DENND1A: variants seen among roughly 807,000 people sequenced by gnomAD.
DENND1A encodes DENN domain-containing protein 1A.
Under a neutral mutation model 113.7 loss-of-function variants are expected in DENND1A, and 51 were observed. The ratio of observed to expected loss-of-function variants is 0.45; its 90% CI spans 0.36 to 0.57. The LOEUF (loss-of-function observed/expected upper bound fraction) is 0.57, where lower values mean the gene tolerates loss of function less well. Ranked by LOEUF, DENND1A falls within the 20% of genes least tolerant of loss-of-function variation. DENND1A has a pLI of 0.00. For synonymous variants in DENND1A, 565 were observed against 570.8 expected (o/e 0.99, Z 0.14); for missense variants, 1,258 against 1,395.9 (o/e 0.90, Z 1.57).
Position 123,916,739 on chromosome 9 carries a change from A to G in DENND1A, c.17+13150T>C, listed in dbSNP as rs1377375003. On this transcript the variant is annotated intron_variant, in intron 1 of 23. Coordinates refer to ENST00000394215, the MANE Select transcript of DENND1A (RefSeq NM_001352964.2). ...TCAAACTCGGTACCTATGTCAGGGAAGGAACACGGTGGTAGGCAGGGATAG... is the reference window on the plus strand; with the variant it reads ...TCAAACTCGGTACCTATGTCAGGGAGGGAACACGGTGGTAGGCAGGGATAG... 2.0e-5 allele frequency among the ~76,000 whole-genome samples: 3 copies of G among 152,204 alleles called. 1 individual carries two copies. The highest frequency in any genetic ancestry group is 7.2e-5 in the African/African-American group (3 of 41,452).
chr9:123,397,265 C>T (rs2043182728), intron 21 of DENND1A, among the ~76,000 whole-genome samples: 1 of 152,122 alleles, frequency 6.6e-6, no homozygotes, highest in Non-Finnish European at 1.5e-5. Flanking sequence ...AATGATTCTC[C>T]TGCCTCAGGC....
intron 5 of DENND1A, among the ~76,000 whole-genome samples, chr9:123,689,371 A>C (rs963552841): frequency 2.6e-5 from 4 of 152,206 alleles, no homozygotes; most frequent in Admixed American, 6.5e-5. Flanking sequence ...GAATGCAGGA[A>C]AGTTGCCTTT....
chr9:123,827,605 G>A (rs1270633957), intron 2 of DENND1A, among the ~76,000 whole-genome samples: 1 of 152,066 alleles, frequency 6.6e-6, no homozygotes, highest in Non-Finnish European at 1.5e-5. Flanking sequence ...GATTACTGAA[G>A]AGGCAACTAA....
intron 4 of DENND1A, among the ~76,000 whole-genome samples, chr9:123,758,219 C>T (rs139147103): frequency 1.3e-3 from 192 of 152,296 alleles, no homozygotes; most frequent in Middle Eastern, 0.01. Flanking sequence ...TTAACCCTCG[C>T]GCTGATTCCA....
intron 8 of DENND1A, among the ~76,000 whole-genome samples, chr9:123,655,734 C>A (rs572366236): frequency 3.3e-5 from 5 of 152,186 alleles, no homozygotes; most frequent in Non-Finnish European, 5.9e-5. Context: ...AGGACTTCCG[C>A]GGCAGGCTGT....
chr9:123,387,635 C>G, intron 22 of DENND1A, 95 bp downstream of exon 22: 3 of 1,179,778 alleles, frequency 2.5e-6, no homozygotes, highest in Non-Finnish European at 3.3e-6. Flanking sequence ...CTCCCCCCGA[C>G]ACAAAGGCAA....
rs548406133 is a variant in DENND1A, at chr9:123,584,981, C to T, written c.766-1711G>A. ...GTACACTAATACTGGTTGACATTCA[C>T]TCTCTTAAACCACAGCCTCTAGGGC... On this transcript the variant is annotated intron_variant, in intron 11 of 23. Coordinates refer to ENST00000394215, the MANE Select transcript of DENND1A (RefSeq NM_001352964.2). Among the ~76,000 whole-genome samples the T allele has an allele frequency of 6.6e-5, 10 of 152,298 alleles. No homozygotes were observed. In the South Asian group the frequency reaches 1.7e-3, roughly 25 times the overall value.
In DENND1A at chr9:123,641,496, C is replaced by T. The variant is rs114943177; in HGVS notation, c.618+10517G>A. 1.6e-3 allele frequency among the ~76,000 whole-genome samples: 247 copies of T among 151,294 alleles called. 1 individual carries two copies. The highest frequency in any genetic ancestry group is 5.4e-3 in the African/African-American group (224 of 41,256). ...TACACACATGCACCCCAAATTACAC[C>T]GGTGGACTGCACTGGTATTCCGTAA... On this transcript the variant is annotated intron_variant, in intron 9 of 23. Coordinates refer to ENST00000394215, the MANE Select transcript of DENND1A (RefSeq NM_001352964.2).
At chr9:123,617,950 G>A (rs1401049658) in intron 10 of DENND1A, among the ~76,000 whole-genome samples, 5 of 152,108 alleles carry the variant, frequency 3.3e-5, no homozygotes, top group South Asian at 4.1e-4. Flanking sequence ...AAAAAATAGC[G>A]CAACTGATAA....
intron 19 of DENND1A, among the ~76,000 whole-genome samples, chr9:123,425,639 C>T (rs534806994): frequency 2.6e-5 from 4 of 152,076 alleles, no homozygotes; most frequent in East Asian, 1.9e-4. Context: ...ATGGGCAGCT[C>T]GTCTGTGCCA....
rs1222776485 is a variant in DENND1A, at chr9:123,833,135, A to AG, written c.89-40506_89-40505insC. Among the ~76,000 whole-genome samples, 10 of 150,994 alleles carry AG rather than the reference A, an allele frequency of 6.6e-5. No homozygotes were observed. In the East Asian group the frequency reaches 1.9e-3, roughly 29 times the overall value. ...GAGACCTCATCTCAAAAAAAAAAAA[A>AG]AAAAAAAAAAAAAGGAAACGAAAGA... On this transcript the variant is annotated intron_variant, in intron 2 of 23. Transcript: ENST00000394215.
chr9:123,564,561 G>C (rs1234404349), intron 12 of DENND1A, among the ~76,000 whole-genome samples: 1 of 152,210 alleles, frequency 6.6e-6, no homozygotes, highest in African/African-American at 2.4e-5. Flanking sequence ...TTCCGGTGTG[G>C]AGTGCTCTCA....
chr9:123,900,620 T>C (rs1177405165), intron 1 of DENND1A, among the ~76,000 whole-genome samples: 1 of 152,208 alleles, frequency 6.6e-6, no homozygotes, highest in African/African-American at 2.4e-5. Context: ...GCGGTCAGAC[T>C]AGCATGGAAG....
chr9:123,647,284 G>A (rs925413401), intron 9 of DENND1A, among the ~76,000 whole-genome samples: 1 of 152,190 alleles, frequency 6.6e-6, no homozygotes, highest in African/African-American at 2.4e-5. Flanking sequence ...ACAGTGAAAA[G>A]GCTAAGCCTG....
intron 2 of DENND1A, among the ~76,000 whole-genome samples, chr9:123,803,425 ATCT>A (rs1230039900): frequency 6.6e-6 from 1 of 151,814 alleles, no homozygotes; most frequent in African/African-American, 2.4e-5. Context: ...CTTCCCTCAA[ATCT>A]TCTCCAACCT....
At chr9:123,841,079 C>T (rs1841760072) in intron 2 of DENND1A, among the ~76,000 whole-genome samples, 2 of 152,166 alleles carry the variant, frequency 1.3e-5, no homozygotes, top group Admixed American at 1.3e-4. Flanking sequence ...TGACTTTCTG[C>T]AACCCATTTT....
intron 9 of DENND1A, among the ~76,000 whole-genome samples, chr9:123,650,924 A>AGAAAAAAG (rs2062614323): frequency 6.6e-6 from 1 of 151,042 alleles, no homozygotes. Flanking sequence ...AAAAAAAAAA[A>AGAAAAAAG]AAAAAAAGAT....
chr9:123,581,706 C>A (rs528928048), intron 12 of DENND1A, among the ~76,000 whole-genome samples: 119 of 152,278 alleles, frequency 7.8e-4, no homozygotes, highest in African/African-American at 2.7e-3. Flanking sequence ...CCACAGGGTG[C>A]CACTGGGCCT....
intron 11 of DENND1A, among the ~76,000 whole-genome samples, chr9:123,587,765 G>A (rs2059251292): frequency 6.6e-6 from 1 of 152,166 alleles, no homozygotes; most frequent in South Asian, 2.1e-4. Flanking sequence ...ATGCAATTTT[G>A]TATTTACAAT....
Sources: gnomAD v4.1 joint callset for allele counts (sites outside exome capture counted in the v4.1 genomes callset) on GRCh38, gnomAD v4.1.1 for gene constraint, MANE v1.5 for transcripts, NCBI Gene and HGNC (gene_info 2026-07-23, HGNC 2026-07-21) for gene names.